Variants in AP1G1 observed in about 807,000 individuals in gnomAD.
The protein encoded by AP1G1 is AP-1 complex subunit gamma-1.
AP1G1 carries 7 observed loss-of-function variants against 108.3 expected under a neutral mutation model. The observed-to-expected ratio is 0.06, with a 90% confidence interval of 0.04 to 0.12. AP1G1 has a LOEUF of 0.12. Ranked by LOEUF, AP1G1 falls within the 10% of genes least tolerant of loss-of-function variation. The pLI is 1.00. For missense variants in AP1G1, 756 were observed against 1,010.7 expected, an observed-to-expected ratio of 0.75 and a Z score of 3.42; for synonymous variants, 379 against 353.5, an observed-to-expected ratio of 1.07 and a Z score of -0.81.
chr16:71,736,448 T>C (rs747069390), intron 21 of AP1G1, among the ~76,000 whole-genome samples: 6 of 150,486 alleles, frequency 4.0e-5, no homozygotes, highest in Non-Finnish European at 8.9e-5. Flanking sequence ...TGGTGCGATC[T>C]CGGCTCACTG....
chr16:71,808,692 C>T lies in AP1G1; in HGVS notation c.-4+71G>A, dbSNP rs1323301803. ...GACCCCTGAAACTGAAAGGAAGCTT[C>T]CGGTCGAGCGCCCGCGGCAGCGGCG... On this transcript the variant is annotated intron_variant, in intron 1 of 22. Coordinates refer to ENST00000299980, the MANE Select transcript of AP1G1 (RefSeq NM_001128.6). 3 of 1,286,172 alleles carry T rather than the reference C, an allele frequency of 2.3e-6. No homozygotes were observed. The African/African-American group carries it at 4.6e-5, about 20-fold the overall frequency. The allele number at this position is 1,286,172 out of a possible 1,614,324, so 79.7% of individuals were successfully genotyped here.
chr16:71,787,162 T>C (rs3942902), intron 2 of AP1G1, among the ~76,000 whole-genome samples: 2 of 151,644 alleles, frequency 1.3e-5, no homozygotes, highest in Non-Finnish European at 2.9e-5. Flanking sequence ...CTACTAAAAA[T>C]ACAAAAATTA....
chr16:71,793,736 G>C (rs2032483923), intron 1 of AP1G1, among the ~76,000 whole-genome samples: 1 of 152,166 alleles, frequency 6.6e-6, no homozygotes, highest in African/African-American at 2.4e-5. Context: ...CCAGGCTGGA[G>C]TGCAGTGGTG....
At position 71,745,151 on chromosome 16, in the gene AP1G1, G is replaced by T; in HGVS notation, c.1992C>A (p.Asn664Lys). 6.2e-7 allele frequency: 1 copy of T among 1,614,062 alleles called. No homozygotes were observed. Among genetic ancestry groups the T allele is most frequent in the Non-Finnish European group, 8.5e-7 (1 of 1,180,016 alleles). ...AGCTCCAGACTGCCTCACCTGTAAG[G>T]TTGATGTCTCCCAGCAAATCAAGAA... ...GELLDLLGDI[N>K]LTGAPAAAPA... Residue 664 changes from asparagine (N) to lysine (K), a missense_variant, in exon 19 of 23, where the codon AAC becomes AAA. Around this residue, in one of 3 missense-constraint regions of AP1G1, gnomAD observed 357 missense variants for 366.5 expected, o/e 0.97. Transcript: ENST00000299980.
At chr16:71,808,698 G>A (rs1346210385) in intron 1 of AP1G1, 65 bp downstream of exon 1, 5 of 1,285,456 alleles carry the variant, frequency 3.9e-6, no homozygotes, top group Admixed American at 2.3e-5. Flanking sequence ...GCTTCCGGTC[G>A]AGCGCCCGCG....
intron 9 of AP1G1, 140 bp from the exon 10 acceptor site, chr16:71,761,707 C>G: frequency 3.2e-6 from 2 of 618,630 alleles, no homozygotes; most frequent in Non-Finnish European, 5.5e-6. Context: ...CGGTGGCTCA[C>G]GCCTGTAATC....
rs769507431 is a variant in AP1G1 at position 71,750,302 on chromosome 16, G to T, written c.1315C>A (p.Pro439Thr). ...TTAGTTATTAACTGGATTAAATTGG[G>T]GACTGCATCATCACGAACATAACTT... ...AGSYVRDDAVPNLIQLITNSV... is the reference protein window; with the variant it reads ...AGSYVRDDAVTNLIQLITNSV... The change falls in exon 14 of 23, where the codon CCC (proline) becomes ACC (threonine). Residue 439 changes from proline (P) to threonine (T), a missense_variant. Around this residue, in one of 3 missense-constraint regions of AP1G1, gnomAD observed 357 missense variants for 366.5 expected, o/e 0.97. Coordinates refer to ENST00000299980, the MANE Select transcript of AP1G1 (RefSeq NM_001128.6). 2 of 1,613,802 alleles carry T rather than the reference G, an allele frequency of 1.2e-6. No homozygotes were observed. The highest frequency in any genetic ancestry group is 2.7e-5 in the African/African-American group (2 of 74,880).
At chr16:71,746,916 T>C in intron 16 of AP1G1, 1 of 368,630 alleles carries the variant, frequency 2.7e-6, no homozygotes, top group Non-Finnish European at 5.0e-6. Flanking sequence ...CTGTTAAATA[T>C]GCCATCCCCA....
At chr16:71,749,827 TA>T (rs1408406869) in intron 15 of AP1G1, 66 bp downstream of exon 15, 1 of 1,346,208 alleles carries the variant, frequency 7.4e-7, no homozygotes, top group East Asian at 2.3e-5. Flanking sequence ...AACTCCCCAT[TA>T]AACACTACTC....
In AP1G1 at chr16:71,773,313, G is replaced by A. The variant is rs760749181; in HGVS notation, c.376C>T (p.Leu126Phe). 1.9e-6 allele frequency: 3 copies of A among 1,594,464 alleles called. No individual in the cohort carries two copies. Among genetic ancestry groups the A allele is most frequent in the African/African-American group, 1.4e-5 (1 of 73,522 alleles). The change falls in exon 4 of 23, where the codon CTC (leucine) becomes TTC (phenylalanine). Residue 126 changes from leucine (L) to phenylalanine (F), a missense_variant. Around this residue, in one of 3 missense-constraint regions of AP1G1, gnomAD observed 304 missense variants for 483.6 expected, o/e 0.63. Coordinates refer to ENST00000299980, the MANE Select transcript of AP1G1 (RefSeq NM_001128.6). The part of the protein sequence containing the change: ...QFVQGLALCT[L>F]GCMGSSEMCR... Reference sequence around the variant, plus strand: ...ATCTCTGAGGAGCCCATGCAGCCGAGGGTACAAAGTGCTAACCCCTGTACG... The same window carrying A: ...ATCTCTGAGGAGCCCATGCAGCCGAAGGTACAAAGTGCTAACCCCTGTACG...
rs1280861224 is a variant in AP1G1 at position 71,777,864 on chromosome 16, A to G, written c.202-3272T>C. Reference sequence around the variant, plus strand: ...CTAGGACTGGAGCTGGCAGGCAGCTAGGGTCCCAGGGCCAAGACAGAGGGG... The same window carrying G: ...CTAGGACTGGAGCTGGCAGGCAGCTGGGGTCCCAGGGCCAAGACAGAGGGG... On this transcript the variant is annotated intron_variant, in intron 2 of 22. Transcript: ENST00000299980. The G allele has an allele frequency of 9.9e-6, 3 of 303,338 alleles. No individual in the cohort carries two copies. In the East Asian group the frequency reaches 3.1e-4, roughly 31 times the overall value. The allele number at this position is 303,338 out of a possible 1,614,324, so 18.8% of individuals were successfully genotyped here.
chr16:71,784,934 TTG>T (rs2032147517), intron 2 of AP1G1, among the ~76,000 whole-genome samples: 1 of 149,250 alleles, frequency 6.7e-6, no homozygotes, highest in Non-Finnish European at 1.5e-5. Flanking sequence ...TCTATGTAGC[TTG>T]TGTTTTATTT....
At chr16:71,755,932 C>T (rs926902321) in intron 12 of AP1G1, 87 bp downstream of exon 12, 9 of 1,456,620 alleles carry the variant, frequency 6.2e-6, no homozygotes, top group Non-Finnish European at 8.4e-6. Context: ...GCGTGTGCCA[C>T]CGCGCCCAGC....
intron 6 of AP1G1, among the ~76,000 whole-genome samples, chr16:71,768,976 T>TAAAAAAAAAAAAAAA (rs1567652782): frequency 1.9e-4 from 6 of 32,234 alleles, no homozygotes; most frequent in Non-Finnish European, 2.1e-4. Context: ...AAAAAAAAAA[T>TAAAAAAAAAAAAAAA]ACAAAAAAAA....
intron 16 of AP1G1, chr16:71,747,147 C>G (rs1361812911): frequency 6.6e-6 from 1 of 152,292 alleles, no homozygotes; most frequent in Admixed American, 6.5e-5. Flanking sequence ...TAATTCAATA[C>G]CATTTTTTAT....
intron 13 of AP1G1, among the ~76,000 whole-genome samples, chr16:71,752,811 C>T (rs1050000965): frequency 1.3e-5 from 2 of 151,960 alleles, no homozygotes; most frequent in African/African-American, 4.8e-5. Context: ...TTAAAAAATA[C>T]GAAATGTGAA....
At chr16:71,772,166 A>G (rs1374180541) in intron 4 of AP1G1, among the ~76,000 whole-genome samples, 5 of 150,040 alleles carry the variant, frequency 3.3e-5, no homozygotes, top group Non-Finnish European at 5.9e-5. Context: ...AGTCTCGCTC[A>G]GTCGCCCAGG....
intron 10 of AP1G1, 29 bp from the exon 11 acceptor site, chr16:71,758,950 G>C: frequency 7.6e-7 from 1 of 1,309,066 alleles, no homozygotes; most frequent in East Asian, 2.3e-5. Context: ...AAATAACAGA[G>C]TTAAAATGTA....
At chr16:71,807,995 A>G in intron 1 of AP1G1, 1 of 1,221,588 alleles carries the variant, frequency 8.2e-7, no homozygotes, top group Non-Finnish European at 1.0e-6. Context: ...CATAAACATA[A>G]TCTGCTTCAT....
Sources: gnomAD v4.1 joint callset for allele counts (sites outside exome capture counted in the v4.1 genomes callset) on GRCh38, gnomAD v4.1.1 for gene constraint, gnomAD v4.1.1 regional missense constraint, MANE v1.5 for transcripts, NCBI Gene and HGNC (gene_info 2026-07-23, HGNC 2026-07-21) for gene names.